The following NUDT18 variants were observed in gnomAD, a reference collection of about 807,000 sequenced individuals.
NUDT18 encodes the protein nudix hydrolase 18, also known as 8-oxo-dGDP phosphatase NUDT18.
NUDT18 carries 26 observed loss-of-function variants against 27.6 expected under a neutral mutation model. That is an observed-to-expected ratio of 0.94 (90% CI 0.69 to 1.31). The LOEUF (loss-of-function observed/expected upper bound fraction) is 1.31, where lower values mean the gene tolerates loss of function less well. Among genes scored for constraint, NUDT18 ranks in the 50% most tolerant of loss-of-function variants. NUDT18 has a pLI of 0.00. For missense variants in NUDT18, 450 were observed against 433.4 expected (o/e 1.04, Z -0.34); for synonymous variants, 220 against 196.9 (o/e 1.12, Z -0.98).
chr8:22,108,394 C>T, intron 1 of NUDT18, 48 bp from the exon 2 acceptor site: 1 of 1,503,730 alleles, frequency 6.7e-7, no homozygotes, highest in East Asian at 2.5e-5. Flanking sequence ...TTCCCTCGCC[C>T]CGGGACCAGG....
At chr8:22,110,237 C>G (rs1436809183), upstream of NUDT18, among the ~76,000 whole-genome samples, 3 of 152,256 alleles carry the variant, frequency 2.0e-5, no homozygotes, top group Non-Finnish European at 4.4e-5. Flanking sequence ...CCATCCTTGT[C>G]GTCACCCTCC....
chr8:22,109,668 C>T (rs1459202547), upstream of NUDT18: 1 of 466,716 alleles, frequency 2.1e-6, no homozygotes, highest in Non-Finnish European at 4.3e-6. Context: ...ACTCCCCGAG[C>T]GCGCACTGGT....
In NUDT18 at chr8:22,107,638, G is replaced by T. The variant is rs752265604; in HGVS notation, c.634C>A (p.Pro212Thr). Residue 212 changes from proline to threonine, a missense_variant, in exon 3 of 3, where the codon CCT (proline) becomes ACT (threonine). Physicochemically the swap from Pro to Thr is conservative, Grantham distance 38 (BLOSUM62 -1). Coordinates refer to ENST00000611621, the MANE Select transcript of NUDT18 (RefSeq NM_024815.4). ...VWVLVGTVGM[P>T]HLPVTACGLD... The stretch of plus-strand genomic sequence containing the variant: ...CCACAGGCAGTGACAGGCAAGTGAG[G>T]CATCCCCACTGTGCCCACTAACACC... 6.2e-7 allele frequency: 1 copy of T among 1,613,194 alleles called. No homozygotes were observed. The highest frequency in any genetic ancestry group is 8.5e-7 in the Non-Finnish European group (1 of 1,179,784).
chr8:22,108,584 C>A (rs1826409465), intron 1 of NUDT18, among the ~76,000 whole-genome samples: 1 of 152,226 alleles, frequency 6.6e-6, no homozygotes, highest in Admixed American at 6.5e-5. Flanking sequence ...TCCTGGAAGC[C>A]GCTTCAGGGG....
In NUDT18 at chr8:22,109,393, T is replaced by TGCGGAGCCCGCTCCCAGTCCCA; in HGVS notation, c.-94_-93insTGGGACTGGGAGCGGGCTCCGC. On this transcript the variant is annotated 5_prime_UTR_variant, in exon 1 of 3. Transcript: ENST00000611621. The stretch of plus-strand genomic sequence containing the variant: ...CGCTGCGGAGCCCGCTCCCAGTCCC[T>TGCGGAGCCCGCTCCCAGTCCCA]GCGGCAGCGGGCCGGGAGCTCACGA... The TGCGGAGCCCGCTCCCAGTCCCA allele has an allele frequency of 2.5e-6, 3 of 1,221,958 alleles. No individual in the cohort carries two copies. The highest frequency in any genetic ancestry group is 3.2e-6 in the Non-Finnish European group (3 of 949,096). 75.7% of individuals were successfully genotyped at this position (1,221,958 alleles called of 1,614,324 possible).
At position 22,109,287 on chromosome 8, in the gene NUDT18, C is replaced by T; in HGVS notation, c.14G>A (p.Gly5Asp). The change falls in exon 1 of 3, where the codon GGC (glycine) becomes GAC (aspartate). Residue 5 changes from glycine (G) to aspartate (D), a missense_variant. Transcript: ENST00000611621. Reference protein sequence around the residue: MASEGLAGALASVLA... With the variant: MASEDLAGALASVLA... Reference sequence around the variant, plus strand: ...CACGGAAGCCAGCGCCCCCGCCAGGCCCTCCGAGGCCATCGGGTCCCCCGG... The same window carrying T: ...CACGGAAGCCAGCGCCCCCGCCAGGTCCTCCGAGGCCATCGGGTCCCCCGG... The T allele has an allele frequency of 7.3e-7, 1 of 1,376,046 alleles. No homozygotes were observed. Among genetic ancestry groups the T allele is most frequent in the Non-Finnish European group, 9.3e-7 (1 of 1,070,602 alleles). The allele number at this position is 1,376,046 out of a possible 1,614,324, so 85.2% of individuals were successfully genotyped here.
chr8:22,108,883 G>A (rs1826413934), intron 1 of NUDT18, among the ~76,000 whole-genome samples: 1 of 152,216 alleles, frequency 6.6e-6, no homozygotes, highest in Non-Finnish European at 1.5e-5. Context: ...GAGGGGCCCT[G>A]GGCACTCCGC....
In NUDT18 at chr8:22,107,344, G is replaced by A; in HGVS notation, c.928C>T (p.Leu310Phe). 1 of 1,612,994 alleles carries A rather than the reference G, an allele frequency of 6.2e-7. No individual in the cohort carries two copies. Among genetic ancestry groups the A allele is most frequent in the Non-Finnish European group, 8.5e-7 (1 of 1,179,528 alleles). Residue 310 changes from leucine to phenylalanine, a missense_variant, in exon 3 of 3, where the codon CTC becomes TTC. Physicochemically the swap from Leu to Phe is conservative, Grantham distance 22. Transcript: ENST00000611621. ...ACAGAGGATCCCTGAAGCCGCTGGA[G>A]GAGCTGGCTTTGCAGGTCTTCCTCC... ...VMEEDLQSQL[L>F]QRLQGSSVVP...
rs1826375769 is a variant in NUDT18, at chr8:22,107,018, TG to T, written c.*281del. The stretch of plus-strand genomic sequence containing the variant: ...ACAGAACGTGATGAGGAGATGCCAC[TG>T]GGGGTGCAGAAAGCTCCCCATCCCC... On this transcript the variant is annotated 3_prime_UTR_variant, in exon 3 of 3. Coordinates refer to ENST00000611621, the MANE Select transcript of NUDT18 (RefSeq NM_024815.4). 7.3e-6 allele frequency: 3 copies of T among 412,756 alleles called. No individual in the cohort carries two copies. In the South Asian group the frequency reaches 1.0e-4, roughly 14 times the overall value. 25.6% of individuals were successfully genotyped at this position (412,756 alleles called of 1,614,324 possible). A position where few individuals can be genotyped will look rare whatever the true frequency, so the allele number is the denominator to read the frequency against.
At chr8:22,108,375 G>A (rs1826405611) in intron 1 of NUDT18, 29 bp from the exon 2 acceptor site, 2 of 1,536,382 alleles carry the variant, frequency 1.3e-6, no homozygotes, top group African/African-American at 1.4e-5. Context: ...CTCACTTCCT[G>A]CCACAGCCTT....
chr8:22,109,145 G>T lies in NUDT18; in HGVS notation c.156C>A (p.Ser52Arg), dbSNP rs977212021. The change falls in exon 1 of 3, where the codon AGC (serine) becomes AGA (arginine). Residue 52 changes from serine to arginine, a missense_variant. Physicochemically the swap from Ser to Arg is moderately radical, Grantham distance 110. Coordinates refer to ENST00000611621, the MANE Select transcript of NUDT18 (RefSeq NM_024815.4). ...VCYVVLAVFL[S>R]EQDEVLLIQE... ...CCCGGGGGCGGCCGCTCACCTGCTC[G>T]CTGAGGAACACGGCCAGCACCACGT... The T allele has an allele frequency of 8.3e-6, 12 of 1,438,486 alleles. No individual in the cohort carries two copies. The highest frequency in any genetic ancestry group is 2.5e-4 in the Middle Eastern group (1 of 4,022). The allele number at this position is 1,438,486 out of a possible 1,614,324, so 89.1% of individuals were successfully genotyped here.
chr8:22,109,134 C>G lies in NUDT18; in HGVS notation c.162+5G>C. The G allele has an allele frequency of 7.0e-7, 1 of 1,423,808 alleles. No homozygotes were observed. Among genetic ancestry groups the G allele is most frequent in the Non-Finnish European group, 9.1e-7 (1 of 1,100,306 alleles). 88.2% of individuals were successfully genotyped at this position (1,423,808 alleles called of 1,614,324 possible). A position where few individuals can be genotyped will look rare whatever the true frequency, so the allele number is the denominator to read the frequency against. The stretch of plus-strand genomic sequence containing the variant: ...GGCCCGGCGGGCCCGGGGGCGGCCG[C>G]TCACCTGCTCGCTGAGGAACACGGC... On this transcript the variant is annotated splice_donor_5th_base_variant and intron_variant, in intron 1 of 2. Coordinates refer to ENST00000611621, the MANE Select transcript of NUDT18 (RefSeq NM_024815.4).
upstream of NUDT18, chr8:22,109,841 GTTGATCATATCCCAA>G: frequency 2.3e-6 from 1 of 437,290 alleles, no homozygotes; most frequent in Middle Eastern, 3.3e-4. Flanking sequence ...CATTGCCGGA[GTTGATCATATCCCAA>G]ATACCTTTCT....
chr8:22,110,282 G>T (rs916528606), upstream of NUDT18, among the ~76,000 whole-genome samples: 1 of 152,214 alleles, frequency 6.6e-6, no homozygotes, highest in Non-Finnish European at 1.5e-5. Context: ...GTGGAGAGCA[G>T]GGTGGGGGTG....
upstream of NUDT18, chr8:22,109,471 T>G: frequency 1.8e-6 from 1 of 556,710 alleles, no homozygotes; most frequent in Non-Finnish European, 2.8e-6. Flanking sequence ...TGGCCGCTGA[T>G]AGGCTGCGCG....
chr8:22,108,467 G>T, intron 1 of NUDT18, 121 bp from the exon 2 acceptor site: 1 of 802,464 alleles, frequency 1.2e-6, no homozygotes, highest in Non-Finnish European at 1.9e-6. Flanking sequence ...CCCAGCTAGC[G>T]CTCCAGGAGA....
upstream of NUDT18, chr8:22,109,868 C>T (rs753660474): frequency 2.5e-6 from 1 of 400,678 alleles, no homozygotes; most frequent in Non-Finnish European, 5.1e-6. Flanking sequence ...TACCTTTCTT[C>T]TCATTCCACC....
chr8:22,107,933 T>C, intron 2 of NUDT18, 38 bp from the exon 3 acceptor site: 1 of 1,500,840 alleles, frequency 6.7e-7, no homozygotes, highest in Non-Finnish European at 9.0e-7. Flanking sequence ...GGAGGGTCTG[T>C]GTGGAGAGAA....
rs1168288067 is a variant in NUDT18, at chr8:22,107,225, G to C, written c.*75C>G. ...CAAGATCCCTGATCGCCAGCCTCTTGCCTCCCTCAGAGGGAGACAAGTCCG... is the reference window on the plus strand; with the variant it reads ...CAAGATCCCTGATCGCCAGCCTCTTCCCTCCCTCAGAGGGAGACAAGTCCG... On this transcript the variant is annotated 3_prime_UTR_variant, in exon 3 of 3. Coordinates refer to ENST00000611621, the MANE Select transcript of NUDT18 (RefSeq NM_024815.4). 20 of 1,160,916 alleles carry C rather than the reference G, an allele frequency of 1.7e-5. 1 individual carries two copies. The Middle Eastern group carries it at 7.2e-4, about 42-fold the overall frequency. The allele number at this position is 1,160,916 out of a possible 1,614,324, so 71.9% of individuals were successfully genotyped here.
Sources: allele counts gnomAD v4.1 joint callset (sites outside exome capture counted in the v4.1 genomes callset), GRCh38; gene constraint gnomAD v4.1.1; transcripts MANE v1.5; gene names NCBI Gene and HGNC (gene_info 2026-07-23, HGNC 2026-07-21).